Variants in DSCAM observed in about 807,000 individuals in gnomAD.
The protein encoded by DSCAM is DS cell adhesion molecule, also known as cell adhesion molecule DSCAM.
A neutral mutation model predicts 217.7 loss-of-function variants in DSCAM; 47 were observed. The ratio of observed to expected loss-of-function variants is 0.22; its 90% CI spans 0.17 to 0.28. The LOEUF (loss-of-function observed/expected upper bound fraction) is 0.28. Among genes scored for constraint, DSCAM ranks in the 10% least tolerant of loss-of-function variants. The pLI, the probability that DSCAM is intolerant of heterozygous loss-of-function variation, is 1.00. For missense variants in DSCAM, 2,080 were observed against 2,618.3 expected, an observed-to-expected ratio of 0.79 and a Z score of 4.49; for synonymous variants, 1,056 against 1,015.3, an observed-to-expected ratio of 1.04 and a Z score of -0.76.
intron 3 of DSCAM, among the ~76,000 whole-genome samples, chr21:40,377,647 C>T (rs1473046696): frequency 6.6e-6 from 1 of 151,786 alleles, no homozygotes. Context: ...CCAAACTATG[C>T]TTGTTGAGGA....
chr21:40,251,083 C>A (rs954935228), intron 11 of DSCAM, among the ~76,000 whole-genome samples: 4 of 152,184 alleles, frequency 2.6e-5, no homozygotes, highest in African/African-American at 9.7e-5. Context: ...CTTCTGTCAT[C>A]AATGAAATAT....
intron 1 of DSCAM, among the ~76,000 whole-genome samples, chr21:40,725,220 T>C (rs185150143): frequency 6.6e-6 from 1 of 152,208 alleles, no homozygotes; most frequent in African/African-American, 2.4e-5. Context: ...TTCCCCTTTG[T>C]CCTTAGAGTG....
intron 3 of DSCAM, among the ~76,000 whole-genome samples, chr21:40,608,237 A>G (rs1008336679): frequency 6.6e-6 from 1 of 152,258 alleles, no homozygotes; most frequent in South Asian, 2.1e-4. Flanking sequence ...CATGGCTACA[A>G]TTTTGAAATG....
chr21:40,266,228 G>C, intron 11 of DSCAM, among the ~76,000 whole-genome samples: 1 of 100,136 alleles, frequency 1.0e-5, no homozygotes, highest in African/African-American at 7.0e-5. Flanking sequence ...ATATACAAAT[G>C]GCCAAAAACG....
intron 9 of DSCAM, among the ~76,000 whole-genome samples, chr21:40,298,575 G>A (rs1484049352): frequency 6.6e-6 from 1 of 152,116 alleles, no homozygotes; most frequent in Non-Finnish European, 1.5e-5. Context: ...CTCTGAGTGA[G>A]GAAATTATCT....
At chr21:40,728,134 C>G (rs1236412095) in intron 1 of DSCAM, among the ~76,000 whole-genome samples, 1 of 152,180 alleles carries the variant, frequency 6.6e-6, no homozygotes, top group Admixed American at 6.5e-5. Flanking sequence ...CCATGGCCCT[C>G]AGCGTCTTTA....
At chr21:40,201,743 A>G (rs1425164429) in intron 11 of DSCAM, among the ~76,000 whole-genome samples, 1 of 152,184 alleles carries the variant, frequency 6.6e-6, no homozygotes, top group Non-Finnish European at 1.5e-5. Context: ...ACTCAGCAGA[A>G]AACTTCTTAA....
intron 3 of DSCAM, among the ~76,000 whole-genome samples, chr21:40,464,275 T>C (rs912975933): frequency 6.6e-6 from 1 of 152,204 alleles, no homozygotes; most frequent in African/African-American, 2.4e-5. Flanking sequence ...GGACCTTCCT[T>C]TCAATGCAGG....
intron 3 of DSCAM, among the ~76,000 whole-genome samples, chr21:40,489,798 AAAAT>A (rs1402724392): frequency 6.0e-5 from 9 of 149,658 alleles, no homozygotes; most frequent in African/African-American, 2.2e-4. Flanking sequence ...AAAAAAAAAA[AAAAT>A]AAGTACCATT....
rs535298578 is a variant in DSCAM, at chr21:40,327,630, A to T, written c.1783+10471T>A. ...GTGCATCTTTTTTTTTTTGTTCAGA[A>T]TCTTAAGGAAAAGCTTCCAACTTGT... On this transcript the variant is annotated intron_variant, in intron 8 of 32. Coordinates refer to ENST00000400454, the MANE Select transcript of DSCAM (RefSeq NM_001389.5). Among the ~76,000 whole-genome samples the T allele has an allele frequency of 5.3e-5, 8 of 151,870 alleles. No individual in the cohort carries two copies. The South Asian group carries it at 1.7e-3, about 32-fold the overall frequency.
intron 3 of DSCAM, among the ~76,000 whole-genome samples, chr21:40,437,526 G>A (rs539830626): frequency 2.0e-5 from 3 of 152,254 alleles, no homozygotes; most frequent in African/African-American, 7.2e-5. Flanking sequence ...GAACAGAGAG[G>A]TTAAATAACT....
At chr21:40,109,640 C>T (rs1006899374) in intron 20 of DSCAM, among the ~76,000 whole-genome samples, 4 of 152,228 alleles carry the variant, frequency 2.6e-5, no homozygotes, top group Non-Finnish European at 5.9e-5. Context: ...CCAGGAAGCA[C>T]AAGGGTTCAG....
chr21:40,242,722 T>C (rs2073169839), intron 11 of DSCAM, among the ~76,000 whole-genome samples: 2 of 152,214 alleles, frequency 1.3e-5, no homozygotes, highest in Non-Finnish European at 2.9e-5. Context: ...GTTTTGTCAG[T>C]CTGGGATCCT....
At chr21:40,585,697 G>A (rs139256017) in intron 3 of DSCAM, among the ~76,000 whole-genome samples, 71 of 152,230 alleles carry the variant, frequency 4.7e-4, no homozygotes, top group African/African-American at 1.7e-3. Context: ...TTGGAGGTGG[G>A]GCCTAGTGAG....
intron 3 of DSCAM, among the ~76,000 whole-genome samples, chr21:40,609,315 A>C (rs2837742): frequency 0.074 from 11,301 of 152,288 alleles, 529 homozygotes; most frequent in Middle Eastern, 0.16. Flanking sequence ...GTTTAGAAAG[A>C]GTGAAACTAT....
chr21:40,410,270 G>A (rs2075311254), intron 3 of DSCAM, among the ~76,000 whole-genome samples: 1 of 152,064 alleles, frequency 6.6e-6, no homozygotes, highest in South Asian at 2.1e-4. Context: ...GAAATCATCT[G>A]TGAACTCATA....
intron 3 of DSCAM, among the ~76,000 whole-genome samples, chr21:40,653,047 T>G (rs1290822240): frequency 6.6e-6 from 1 of 152,234 alleles, no homozygotes; most frequent in African/African-American, 2.4e-5. Flanking sequence ...TTAAGCCCTG[T>G]CCCTATAGGT....
At chr21:40,252,818 C>G (rs2073322525) in intron 11 of DSCAM, among the ~76,000 whole-genome samples, 1 of 152,020 alleles carries the variant, frequency 6.6e-6, no homozygotes, top group Non-Finnish European at 1.5e-5. Context: ...TACTCCAGTC[C>G]CCACAACTTC....
intron 11 of DSCAM, among the ~76,000 whole-genome samples, chr21:40,253,748 C>T (rs548334572): frequency 5.3e-5 from 8 of 152,366 alleles, no homozygotes; most frequent in East Asian, 1.9e-4. Flanking sequence ...GCCCGGAGGG[C>T]GGCACAACCC....
Sources: gnomAD v4.1 joint callset for allele counts (sites outside exome capture counted in the v4.1 genomes callset) on GRCh38, gnomAD v4.1.1 for gene constraint, MANE v1.5 for transcripts, NCBI Gene and HGNC (gene_info 2026-07-23, HGNC 2026-07-21) for gene names.